The following PGBD5 variants were observed in gnomAD, a reference collection of about 807,000 sequenced individuals.
PGBD5 encodes piggyBac transposable element derived 5.
In PGBD5, 14 loss-of-function variants were observed where a neutral mutation model predicts 47.9. The ratio of observed to expected loss-of-function variants is 0.29; its 90% confidence interval spans 0.19 to 0.46. The LOEUF (loss-of-function observed/expected upper bound fraction) is 0.46, where lower values mean the gene tolerates loss of function less well. Ranked by LOEUF, PGBD5 falls within the 20% of genes least tolerant of loss-of-function variation. The pLI is 1.00. For missense variants in PGBD5, 635 were observed against 716.0 expected (o/e 0.89, Z 1.29); for synonymous variants, 316 against 306.3 (o/e 1.03, Z -0.33).
intron 3 of PGBD5, among the ~76,000 whole-genome samples, chr1:230,344,626 C>T (rs779154480): frequency 2.6e-5 from 4 of 152,316 alleles, no homozygotes; most frequent in Non-Finnish European, 5.9e-5. Context: ...GCACAGGGCA[C>T]ACGGACCTCA....
intron 1 of PGBD5, among the ~76,000 whole-genome samples, chr1:230,361,090 G>A (rs993959304): frequency 2.6e-5 from 4 of 152,160 alleles, no homozygotes; most frequent in African/African-American, 7.2e-5. Flanking sequence ...TCCCTTTTAC[G>A]TGGCTCTCCT....
chr1:230,361,829 G>C (rs1317693879), intron 1 of PGBD5, among the ~76,000 whole-genome samples: 1 of 152,238 alleles, frequency 6.6e-6, no homozygotes, highest in East Asian at 1.9e-4. Flanking sequence ...GTGCCTACAA[G>C]AAGGGCCCCA....
At chr1:230,397,804 T>C (rs756590379) in intron 1 of PGBD5, among the ~76,000 whole-genome samples, 4 of 152,266 alleles carry the variant, frequency 2.6e-5, no homozygotes, top group Non-Finnish European at 5.9e-5. Context: ...ACATCTTCCT[T>C]ATGTGTCTTG....
chr1:230,417,208 A>G (rs1260281073), intron 1 of PGBD5, among the ~76,000 whole-genome samples: 1 of 152,114 alleles, frequency 6.6e-6, no homozygotes, highest in Non-Finnish European at 1.5e-5. Context: ...CCCACCCCCA[A>G]GATCATGTTG....
At chr1:230,415,493 G>A (rs1005374866) in intron 1 of PGBD5, among the ~76,000 whole-genome samples, 5 of 152,176 alleles carry the variant, frequency 3.3e-5, no homozygotes, top group Admixed American at 2.0e-4. Flanking sequence ...GCTTTTGCCA[G>A]GGAAGCTTGC....
intron 1 of PGBD5, among the ~76,000 whole-genome samples, chr1:230,370,566 A>C (rs1271521654): frequency 1.3e-5 from 2 of 152,202 alleles, no homozygotes; most frequent in Non-Finnish European, 2.9e-5. Flanking sequence ...TGAGATCTGC[A>C]CTATTCTTAA....
intron 2 of PGBD5, among the ~76,000 whole-genome samples, chr1:230,356,278 T>G (rs1332378192): frequency 6.6e-6 from 1 of 152,114 alleles, no homozygotes; most frequent in African/African-American, 2.4e-5. Context: ...TTGTCCCAGG[T>G]GCAAGTGGAT....
At chr1:230,358,654 A>G (rs942287912) in intron 1 of PGBD5, among the ~76,000 whole-genome samples, 2 of 152,114 alleles carry the variant, frequency 1.3e-5, no homozygotes, top group African/African-American at 4.8e-5. Context: ...CCATGTAATT[A>G]TAACACTGTA....
At chr1:230,377,784 A>G (rs1168777803) in intron 1 of PGBD5, 1 of 1,212,952 alleles carries the variant, frequency 8.2e-7, no homozygotes, top group East Asian at 3.0e-5. Context: ...TCCGGCTCAT[A>G]CATTTGGGAT....
At chr1:230,336,240 C>G (rs926656040) in intron 4 of PGBD5, 10 of 152,204 alleles carry the variant, frequency 6.6e-5, no homozygotes, top group Admixed American at 6.5e-4. Context: ...CAACAAATAA[C>G]TATTAAGCCC....
intron 1 of PGBD5, among the ~76,000 whole-genome samples, chr1:230,397,342 C>A (rs1657011821): frequency 6.6e-6 from 1 of 152,194 alleles, no homozygotes; most frequent in African/African-American, 2.4e-5. Flanking sequence ...AGTAAAAACA[C>A]CACCATAGCA....
chr1:230,423,650 T>C (rs1657708046), intron 1 of PGBD5, among the ~76,000 whole-genome samples: 1 of 152,014 alleles, frequency 6.6e-6, no homozygotes, highest in African/African-American at 2.4e-5. Flanking sequence ...ATCCCTCCAT[T>C]CTCCACCACT....
At chr1:230,333,085 A>C (rs748496031) in intron 4 of PGBD5, 44 bp from the exon 5 acceptor site, 3 of 1,545,810 alleles carry the variant, frequency 1.9e-6, no homozygotes, top group African/African-American at 2.7e-5. Context: ...CCACCATCGG[A>C]GATGCCGGCG....
chr1:230,335,816 CACTG>C (rs1667311427), intron 4 of PGBD5, among the ~76,000 whole-genome samples: 9 of 147,414 alleles, frequency 6.1e-5, no homozygotes, highest in Non-Finnish European at 1.1e-4. Context: ...CAGACACATA[CACTG>C]ACACAGACAT....
intron 3 of PGBD5, among the ~76,000 whole-genome samples, chr1:230,340,280 A>G (rs545172764): frequency 1.3e-5 from 2 of 152,340 alleles, no homozygotes; most frequent in South Asian, 4.1e-4. Context: ...TGGTAAAAAA[A>G]TTAACAATGA....
chr1:230,357,629 A>G lies in PGBD5; in HGVS notation c.332-308T>C, dbSNP rs1667672700. On this transcript the variant is annotated intron_variant, in intron 1 of 6. Coordinates refer to ENST00000391860, the MANE Select transcript of PGBD5 (RefSeq NM_001258311.2). The surrounding 1 kb of genome is among the most constrained non-coding windows in gnomAD (Gnocchi z 5.7). The stretch of plus-strand genomic sequence containing the variant: ...ACCCGGAGTGCAAGCTGCAGCCTGC[A>G]TCTCCACACCAGACCGGAGGACAGC... Among the ~76,000 whole-genome samples, 2 of 152,064 alleles carry G rather than the reference A, an allele frequency of 1.3e-5. No individual in the cohort carries two copies. The highest frequency in any genetic ancestry group is 2.9e-5 in the Non-Finnish European group (2 of 68,024).
rs1571824625 is a variant in PGBD5, at chr1:230,331,310, G to T, written c.1273+1534C>A. Among the ~76,000 whole-genome samples the T allele has an allele frequency of 2.6e-5, 4 of 152,112 alleles. No individual in the cohort carries two copies. The South Asian group carries it at 8.3e-4, about 32-fold the overall frequency. On this transcript the variant is annotated intron_variant, in intron 5 of 6. Transcript: ENST00000391860. Reference sequence around the variant, plus strand: ...ATGCACCTGTAGTCCAAGCTACTTGGGAGGCTGAGGTGGGAGATTTGTTTG... The same window carrying T: ...ATGCACCTGTAGTCCAAGCTACTTGTGAGGCTGAGGTGGGAGATTTGTTTG...
chr1:230,397,550 T>TG (rs1410538373), intron 1 of PGBD5, among the ~76,000 whole-genome samples: 1 of 152,238 alleles, frequency 6.6e-6, no homozygotes, highest in Non-Finnish European at 1.5e-5. Context: ...TTAAGAATAT[T>TG]TATCAAGTTC....
rs1657744198 is a variant in PGBD5, at chr1:230,425,118, C to T, written c.331+480G>A. On this transcript the variant is annotated intron_variant, in intron 1 of 6. Transcript: ENST00000391860. This position sits in a 1 kb window ranked among gnomAD's most constrained non-coding sequence, Gnocchi z 4.7. ...AAGACGCCGCGGGTGGCCTCTCTCT[C>T]AACTCTCACTGGGCCAACTCCTACC... 6.6e-6 allele frequency among the ~76,000 whole-genome samples: 1 copy of T among 151,956 alleles called. No individual in the cohort carries two copies. Among genetic ancestry groups the T allele is most frequent in the East Asian group, 1.9e-4 (1 of 5,136 alleles).
Sources: allele counts gnomAD v4.1 joint callset (sites outside exome capture counted in the v4.1 genomes callset), GRCh38; gene constraint gnomAD v4.1.1; non-coding constraint Gnocchi (gnomAD v3.1); transcripts MANE v1.5; gene names NCBI Gene and HGNC (gene_info 2026-07-23, HGNC 2026-07-21).